The following PDPK1 variants were observed in gnomAD, a reference collection of about 807,000 sequenced individuals.
The protein encoded by PDPK1 is 3-phosphoinositide dependent protein kinase 1.
In PDPK1, 7 loss-of-function variants were observed where a neutral mutation model predicts 39.8. That is an observed-to-expected ratio of 0.18 (90% CI 0.10 to 0.33). PDPK1 has a LOEUF of 0.33. Ranked by LOEUF, PDPK1 falls within the 10% of genes least tolerant of loss-of-function variation. PDPK1 has a pLI of 1.00. For synonymous variants in PDPK1, 118 were observed against 159.1 expected, an observed-to-expected ratio of 0.74 and a Z score of 1.95; for missense variants, 182 against 384.7, an observed-to-expected ratio of 0.47 and a Z score of 4.41.
intron 7 of PDPK1, among the ~76,000 whole-genome samples, 197 bp downstream of exon 7, chr16:2,577,697 A>G (rs1467216203): frequency 6.7e-6 from 1 of 149,202 alleles, no homozygotes; most frequent in Non-Finnish European, 1.5e-5. Context: ...GGGTTTGCTG[A>G]TGCTTTCTGG....
At chr16:2,551,635 C>T (rs2066410647) in intron 1 of PDPK1, among the ~76,000 whole-genome samples, 2 of 151,278 alleles carry the variant, frequency 1.3e-5, no homozygotes, top group African/African-American at 2.4e-5. Context: ...GCATCTTGAC[C>T]ATAGGAGGCG....
intron 1 of PDPK1, among the ~76,000 whole-genome samples, chr16:2,553,042 G>C (rs1194748256): frequency 6.8e-6 from 1 of 146,514 alleles, no homozygotes; most frequent in Non-Finnish European, 1.5e-5. Flanking sequence ...ACGTGCACCT[G>C]TGTGTGTGTA....
chr16:2,596,506 A>G (rs2067105870), intron 12 of PDPK1, among the ~76,000 whole-genome samples: 4 of 152,078 alleles, frequency 2.6e-5, no homozygotes, highest in African/African-American at 4.8e-5. Context: ...GTTGTTCTTT[A>G]TTTTATGGAT....
chr16:2,585,232 C>T (rs549601321), intron 10 of PDPK1, among the ~76,000 whole-genome samples: 1 of 152,308 alleles, frequency 6.6e-6, no homozygotes, highest in South Asian at 2.1e-4. Context: ...CTTCTGTTGC[C>T]GTCTGTGAAG....
chr16:2,595,665 A>G (rs959841243), intron 11 of PDPK1, 128 bp from the exon 12 acceptor site: 1 of 740,844 alleles, frequency 1.3e-6, no homozygotes, highest in African/African-American at 1.7e-5. Flanking sequence ...TTCTCTGCTC[A>G]TCCCAAAGTG....
chr16:2,592,452 A>T (rs1431203734), intron 11 of PDPK1: 1 of 293,284 alleles, frequency 3.4e-6, no homozygotes, highest in African/African-American at 2.3e-5. Flanking sequence ...TTTCTGCAGG[A>T]GACAGTAGAA....
At position 2,598,628 on chromosome 16, in the gene PDPK1, G is replaced by A. The variant is rs1260408067; in HGVS notation, c.*861G>A. On this transcript the variant is annotated 3_prime_UTR_variant, in exon 14 of 14. Transcript: ENST00000342085. Reference sequence around the variant, plus strand: ...GAGTCCTGCCCCGAGCCCTAGGTGGGGCCAGGAGGTGCCTTGGAGAAGCCA... The same window carrying A: ...GAGTCCTGCCCCGAGCCCTAGGTGGAGCCAGGAGGTGCCTTGGAGAAGCCA... The A allele has an allele frequency of 1.3e-5, 3 of 233,376 alleles. No homozygotes were observed. Among genetic ancestry groups the A allele is most frequent in the Non-Finnish European group, 2.5e-5 (3 of 118,202 alleles). 14.5% of individuals were successfully genotyped at this position (233,376 alleles called of 1,614,324 possible). A position where few individuals can be genotyped will look rare whatever the true frequency, so the allele number is the denominator to read the frequency against.
chr16:2,538,750 G>A, intron 1 of PDPK1: 16 of 1,286,504 alleles, frequency 1.2e-5, no homozygotes, highest in Non-Finnish European at 1.6e-5. Context: ...CAGGATCACC[G>A]AGGGGAAAGT....
At chr16:2,592,905 G>C (rs1265403806) in intron 11 of PDPK1, 2 of 456,524 alleles carry the variant, frequency 4.4e-6, no homozygotes, top group East Asian at 6.9e-5. Flanking sequence ...CTGTCCGTGG[G>C]GCCCTTGCCT....
At chr16:2,552,340 C>CT (rs1360111040) in intron 1 of PDPK1, among the ~76,000 whole-genome samples, 8 of 150,934 alleles carry the variant, frequency 5.3e-5, no homozygotes, top group Admixed American at 2.0e-4. Flanking sequence ...AATTGAAACT[C>CT]TAAGTTCTTA....
At chr16:2,542,132 T>G (rs74248397) in intron 1 of PDPK1, among the ~76,000 whole-genome samples, 1 of 152,278 alleles carries the variant, frequency 6.6e-6, no homozygotes, top group Admixed American at 6.5e-5. Context: ...ACATCCCTTA[T>G]AAGAGCACCT....
chr16:2,588,147 C>T (rs780807180), intron 11 of PDPK1, among the ~76,000 whole-genome samples: 5 of 152,310 alleles, frequency 3.3e-5, no homozygotes, highest in East Asian at 1.9e-4. Context: ...GGGAAGACCA[C>T]GGCTCTATGC....
intron 11 of PDPK1, among the ~76,000 whole-genome samples, chr16:2,587,114 G>A (rs575595161): frequency 2.6e-5 from 4 of 152,316 alleles, no homozygotes; most frequent in Admixed American, 6.5e-5. Flanking sequence ...CTCCTCTGCC[G>A]GGCATTTGGA....
chr16:2,592,661 C>T (rs1448139720), intron 11 of PDPK1: 6 of 404,762 alleles, frequency 1.5e-5, no homozygotes, highest in Non-Finnish European at 2.9e-5. Context: ...GGCAACAGAG[C>T]GAGACTCTGT....
At chr16:2,556,737 G>C (rs1271931260) in intron 1 of PDPK1, among the ~76,000 whole-genome samples, 1 of 148,912 alleles carries the variant, frequency 6.7e-6, no homozygotes, top group Non-Finnish European at 1.5e-5. Flanking sequence ...CCGACCGCAG[G>C]GGATCCACCC....
intron 1 of PDPK1, among the ~76,000 whole-genome samples, chr16:2,546,411 GC>G (rs1363835089): frequency 6.6e-6 from 1 of 152,004 alleles, no homozygotes; most frequent in Non-Finnish European, 1.5e-5. Context: ...TCGGCTCACT[GC>G]AATCTCCACC....
At chr16:2,542,051 T>G (rs1188710224) in intron 1 of PDPK1, among the ~76,000 whole-genome samples, 1 of 152,150 alleles carries the variant, frequency 6.6e-6, no homozygotes, top group African/African-American at 2.4e-5. Context: ...TTCCTGATAT[T>G]TAAACTGGAA....
Position 2,597,075 on chromosome 16 carries a change from C to CCGT in PDPK1, c.1402-46_1402-44dup. ...CCAGCCCTCTAGGCTCCAGGAGATG[C>CCGT]CGTCAGCACTGGCCTCTGAGGCCTG... On this transcript the variant is annotated intron_variant, in intron 12 of 13. Coordinates refer to ENST00000342085, the MANE Select transcript of PDPK1 (RefSeq NM_002613.5). The surrounding 1 kb of genome is among the most constrained non-coding windows in gnomAD (Gnocchi z 6.3). 1 of 1,471,734 alleles carries CCGT rather than the reference C, an allele frequency of 6.8e-7. No individual in the cohort carries two copies. 91.2% of individuals were successfully genotyped at this position (1,471,734 alleles called of 1,614,324 possible).
At chr16:2,558,457 A>AG (rs2066545474) in intron 2 of PDPK1, among the ~76,000 whole-genome samples, 1 of 150,690 alleles carries the variant, frequency 6.6e-6, no homozygotes, top group Admixed American at 6.6e-5. Context: ...CTGGAGACAC[A>AG]GCCTCCAGAG....
Sources: gnomAD v4.1 joint callset for allele counts (sites outside exome capture counted in the v4.1 genomes callset) on GRCh38, gnomAD v4.1.1 for gene constraint, Gnocchi (gnomAD v3.1) non-coding constraint, MANE v1.5 for transcripts, NCBI Gene and HGNC (gene_info 2026-07-23, HGNC 2026-07-21) for gene names.